NALCN: variants seen among roughly 807,000 people sequenced by gnomAD.
The protein encoded by NALCN is sodium leak channel NALCN.
A neutral mutation model predicts 225.3 loss-of-function variants in NALCN; 111 were observed. The observed-to-expected ratio is 0.49, with a 90% CI of 0.42 to 0.58. NALCN has a LOEUF of 0.58. Among genes scored for constraint, NALCN ranks in the 20% least tolerant of loss-of-function variants. The pLI, the probability that NALCN is intolerant of heterozygous loss-of-function variation, is 0.00. For missense variants in NALCN, 1,378 were observed against 2,202.4 expected, an observed-to-expected ratio of 0.63 and a Z score of 7.49; for synonymous variants, 764 against 769.0, an observed-to-expected ratio of 0.99 and a Z score of 0.11.
chr13:101,393,275 C>T (rs887461023), intron 3 of NALCN, among the ~76,000 whole-genome samples: 25 of 152,160 alleles, frequency 1.6e-4, no homozygotes, highest in Admixed American at 1.4e-3. Flanking sequence ...CGTTTCCCAC[C>T]CTTCAGACTG....
At chr13:101,063,334 A>G (rs2032112599) in intron 40 of NALCN, among the ~76,000 whole-genome samples, 1 of 152,212 alleles carries the variant, frequency 6.6e-6, no homozygotes, top group African/African-American at 2.4e-5. Context: ...CTCATCAAGA[A>G]TCCCATCAAA....
chr13:101,225,210 C>A (rs1044841195), intron 13 of NALCN, among the ~76,000 whole-genome samples: 4 of 152,182 alleles, frequency 2.6e-5, no homozygotes, highest in African/African-American at 9.7e-5. Context: ...AGAAAAAACA[C>A]CCCATCTTTA....
chr13:101,410,244 A>AT (rs757966989), intron 1 of NALCN, among the ~76,000 whole-genome samples: 6 of 152,164 alleles, frequency 3.9e-5, no homozygotes, highest in South Asian at 2.1e-4. Context: ...AGGACATTGT[A>AT]TTTTTTTAAA....
chr13:101,074,769 G>A, intron 35 of NALCN, 107 bp from the exon 36 acceptor site: 1 of 1,305,088 alleles, frequency 7.7e-7, no homozygotes, highest in Non-Finnish European at 1.0e-6. Flanking sequence ...AGCTATGGAA[G>A]ACCTGGGTAG....
chr13:101,195,140 A>G (rs546763817), intron 13 of NALCN, among the ~76,000 whole-genome samples: 1 of 152,348 alleles, frequency 6.6e-6, no homozygotes, highest in South Asian at 2.1e-4. Flanking sequence ...TTTTGGGAAA[A>G]TGAAGCAACT....
chr13:101,294,973 A>T (rs1422103594), intron 7 of NALCN, among the ~76,000 whole-genome samples: 1 of 152,146 alleles, frequency 6.6e-6, no homozygotes, highest in African/African-American at 2.4e-5. Context: ...TACAACACAA[A>T]TTCTCAGAAG....
At chr13:101,260,238 T>C (rs2042380216) in intron 10 of NALCN, among the ~76,000 whole-genome samples, 1 of 152,234 alleles carries the variant, frequency 6.6e-6, no homozygotes, top group Non-Finnish European at 1.5e-5. Flanking sequence ...AGTGCTCCAT[T>C]ACGCATATGT....
intron 41 of NALCN, among the ~76,000 whole-genome samples, chr13:101,061,213 G>A (rs1348518054): frequency 2.0e-5 from 3 of 152,104 alleles, no homozygotes; most frequent in Non-Finnish European, 4.4e-5. Context: ...TCAGGAAGCA[G>A]GAAACATCAT....
chr13:101,311,844 G>A (rs1305253449), intron 7 of NALCN, among the ~76,000 whole-genome samples: 8 of 151,946 alleles, frequency 5.3e-5, no homozygotes, highest in South Asian at 2.1e-4. Context: ...GTCTCTGCCC[G>A]GCTTTGGTAT....
intron 10 of NALCN, among the ~76,000 whole-genome samples, chr13:101,272,170 G>A (rs1249313589): frequency 2.6e-5 from 4 of 151,608 alleles, no homozygotes; most frequent in Non-Finnish European, 4.4e-5. Context: ...CTGTATGAGT[G>A]TGTGTGTGTA....
intron 34 of NALCN, among the ~76,000 whole-genome samples, chr13:101,076,995 A>T (rs1484906557): frequency 1.3e-5 from 2 of 152,168 alleles, no homozygotes; most frequent in African/African-American, 2.4e-5. Context: ...AGATAATTGA[A>T]TCACTGGGGT....
chr13:101,307,755 G>A (rs965871864), intron 7 of NALCN, among the ~76,000 whole-genome samples: 7 of 152,164 alleles, frequency 4.6e-5, no homozygotes, highest in African/African-American at 1.7e-4. Flanking sequence ...TGCTTGGGTT[G>A]AGGAGAACAT....
chr13:101,067,820 A>G (rs1395076825), intron 39 of NALCN, 98 bp downstream of exon 39: 7 of 827,136 alleles, frequency 8.5e-6, no homozygotes, highest in Middle Eastern at 2.2e-4. Context: ...TAAAAATTCA[A>G]TCTGTGTCAT....
rs79975035 is a variant in NALCN, at chr13:101,131,975, T to C, written c.2119-7294A>G. Among the ~76,000 whole-genome samples the C allele has an allele frequency of 7.7e-3, 1,168 of 152,248 alleles. 7 individuals are homozygous for C. The highest frequency in any genetic ancestry group is 0.013 in the Non-Finnish European group (874 of 67,994). ...CAAAATTTCAATTATGTTGATATTA[T>C]TTATCACCTCTTTCCCCCCATTTGA... is the stretch of plus-strand genomic sequence containing the variant. On this transcript the variant is annotated intron_variant, in intron 17 of 43. Transcript: ENST00000251127.
intron 7 of NALCN, among the ~76,000 whole-genome samples, chr13:101,324,894 A>C (rs943497652): frequency 6.6e-6 from 1 of 152,164 alleles, no homozygotes; most frequent in Non-Finnish European, 1.5e-5. Context: ...CCCATTCAGT[A>C]TGATATTGGC....
At chr13:101,369,135 CAAAG>C (rs2046464875) in intron 6 of NALCN, 2 of 212,502 alleles carry the variant, frequency 9.4e-6, no homozygotes. Context: ...AAATAGTAAA[CAAAG>C]AGTCACATAA....
intron 15 of NALCN, among the ~76,000 whole-genome samples, chr13:101,156,140 G>T (rs904552594): frequency 6.6e-6 from 1 of 152,012 alleles, no homozygotes; most frequent in African/African-American, 2.4e-5. Flanking sequence ...CTTTCAGTCG[G>T]CTTCTCTAGT....
At chr13:101,297,306 G>T (rs1044852581) in intron 7 of NALCN, among the ~76,000 whole-genome samples, 7 of 152,280 alleles carry the variant, frequency 4.6e-5, no homozygotes, top group African/African-American at 1.7e-4. Context: ...ACAGAAGTTG[G>T]GAAGTTAGAA....
rs958289215 is a variant in NALCN at position 101,319,017 on chromosome 13, T to G, written c.799+26249A>C. Among the ~76,000 whole-genome samples the G allele has an allele frequency of 3.3e-5, 5 of 152,190 alleles. No homozygotes were observed. In the East Asian group the frequency reaches 9.6e-4, roughly 29 times the overall value. ...CTGCTGGATGTTGTTATGAGTTGAATGGACTAGAAATAATAAACTGGGTAC... is the reference window on the plus strand; with the variant it reads ...CTGCTGGATGTTGTTATGAGTTGAAGGGACTAGAAATAATAAACTGGGTAC... On this transcript the variant is annotated intron_variant, in intron 7 of 43. Coordinates refer to ENST00000251127, the MANE Select transcript of NALCN (RefSeq NM_052867.4).
Sources: allele counts gnomAD v4.1 joint callset (sites outside exome capture counted in the v4.1 genomes callset), GRCh38; gene constraint gnomAD v4.1.1; transcripts MANE v1.5; gene names NCBI Gene and HGNC (gene_info 2026-07-23, HGNC 2026-07-21).